COL15A1: variants seen among roughly 807,000 people sequenced by gnomAD.
COL15A1 encodes collagen type XV alpha 1 chain, also known as collagen alpha-1(XV) chain.
COL15A1 carries 111 observed loss-of-function variants against 165.9 expected under a neutral mutation model. That is an observed-to-expected ratio of 0.67 (90% confidence interval 0.57 to 0.78). The LOEUF is 0.78. Ranked by LOEUF, COL15A1 falls within the 30% of genes least tolerant of loss-of-function variation. The pLI is 0.00. For missense variants in COL15A1, 1,745 were observed against 1,789.7 expected (o/e 0.98, Z 0.45); for synonymous variants, 659 against 674.8 (o/e 0.98, Z 0.36).
At chr9:99,044,468 T>TCTCCGGAGGAAAA in intron 24 of COL15A1, 100 bp from the exon 25 acceptor site, 1 of 1,037,490 alleles carries the variant, frequency 9.6e-7, no homozygotes, top group Non-Finnish European at 1.5e-6. Flanking sequence ...GACTCAGAGG[T>TCTCCGGAGGAAAA]CTCTGTACAA....
intron 2 of COL15A1, among the ~76,000 whole-genome samples, chr9:98,953,734 G>A (rs1238755093): frequency 1.3e-5 from 2 of 152,184 alleles, no homozygotes; most frequent in African/African-American, 4.8e-5. Context: ...GCTGGAGTCT[G>A]GCTTGCAGGC....
chr9:99,050,104 C>T (rs537465855), intron 30 of COL15A1, among the ~76,000 whole-genome samples: 3 of 152,304 alleles, frequency 2.0e-5, no homozygotes, highest in Non-Finnish European at 4.4e-5. Flanking sequence ...GGTGCACACA[C>T]GGTGAGGTGC....
intron 2 of COL15A1, among the ~76,000 whole-genome samples, chr9:98,953,110 A>T (rs1837717411): frequency 6.6e-6 from 1 of 152,230 alleles, no homozygotes; most frequent in Admixed American, 6.5e-5. Context: ...AGGCAATCTT[A>T]CAATAAGACT....
At chr9:99,042,338 C>A (rs576452105) in intron 24 of COL15A1, among the ~76,000 whole-genome samples, 4 of 152,278 alleles carry the variant, frequency 2.6e-5, no homozygotes, top group African/African-American at 9.6e-5. Context: ...CAGAAAGAAA[C>A]CCCATACTTA....
At chr9:99,059,776 T>G in intron 35 of COL15A1, 113 bp from the exon 36 acceptor site, 1 of 1,181,028 alleles carries the variant, frequency 8.5e-7, no homozygotes. Flanking sequence ...GTTGGGATGC[T>G]TTGTGGCGCT....
chr9:98,999,683 T>TA lies in COL15A1; in HGVS notation c.953-1155dup, dbSNP rs201411193. On this transcript the variant is annotated intron_variant, in intron 6 of 41. Transcript: ENST00000375001. ...ACAGCCACATGCCACAATGCCTGGC[T>TA]ATTTTTTTTTATTTTTAGTAGAGAT... is the stretch of plus-strand genomic sequence containing the variant. Among the ~76,000 whole-genome samples, 1,246 of 151,474 alleles carry TA rather than the reference T, an allele frequency of 8.2e-3. 16 individuals are homozygous for TA. The highest frequency in any genetic ancestry group is 0.029 in the African/African-American group (1,183 of 41,260).
intron 16 of COL15A1, among the ~76,000 whole-genome samples, chr9:99,027,349 G>A (rs746599328): frequency 3.3e-5 from 5 of 152,166 alleles, no homozygotes; most frequent in Non-Finnish European, 1.5e-5. Flanking sequence ...TCTAGTTTCC[G>A]TCAGCTCTGG....
At position 99,034,586 on chromosome 9, in the gene COL15A1, TAAAAAAA is replaced by T. The variant is rs60290557; in HGVS notation, c.2079+24_2079+30del. On this transcript the variant is annotated splice_donor_5th_base_variant and intron_variant, in intron 17 of 41. Transcript: ENST00000375001. ...CCTAATGGCTCAGTTGGTGAAAAGGTAAAAAAAAAAAAAAAAAAAAAAAAAAAAGAAC... is the reference window on the plus strand; with the variant it reads ...CCTAATGGCTCAGTTGGTGAAAAGGTAAAAAAAAAAAAAAAAAAAAAGAAC... 1.1e-3 allele frequency: 1,149 copies of T among 1,073,330 alleles called. No individual in the cohort carries two copies. Among genetic ancestry groups the T allele is most frequent in the East Asian group, 5.5e-3 (134 of 24,514 alleles). 66.5% of individuals were successfully genotyped at this position (1,073,330 alleles called of 1,614,324 possible). A position where few individuals can be genotyped will look rare whatever the true frequency, so the allele number is the denominator to read the frequency against.
At chr9:98,987,493 A>G in intron 4 of COL15A1, 125 bp downstream of exon 4, 2 of 839,158 alleles carry the variant, frequency 2.4e-6, no homozygotes, top group South Asian at 3.6e-5. Context: ...TGCTGCCTCA[A>G]GTCCTATTTT....
intron 2 of COL15A1, among the ~76,000 whole-genome samples, chr9:98,973,851 G>A (rs1467396144): frequency 1.3e-5 from 2 of 152,234 alleles, no homozygotes; most frequent in East Asian, 1.9e-4. Context: ...ACACTGGCGG[G>A]AGACAAGGAG....
At chr9:98,975,787 T>C (rs1347292520) in intron 2 of COL15A1, among the ~76,000 whole-genome samples, 1 of 152,208 alleles carries the variant, frequency 6.6e-6, no homozygotes, top group Non-Finnish European at 1.5e-5. Context: ...CTTCACAGCA[T>C]CCCCTTGGCT....
Position 99,015,424 on chromosome 9 carries a change from G to C in COL15A1, c.1361G>C (p.Ser454Thr), listed in dbSNP as rs1033458521. The C allele has an allele frequency of 2.5e-6, 4 of 1,607,930 alleles. No homozygotes were observed. The African/African-American group carries it at 4.0e-5, about 16-fold the overall frequency. The change falls in exon 10 of 42, where the codon AGC (serine) becomes ACC (threonine). Residue 454 changes from serine to threonine, a missense_variant. Transcript: ENST00000375001. ...SLGEEATVGP[S>T]SEDSLTTAAA... is the part of the protein sequence containing the mutation. Reference sequence around the variant, plus strand: ...ATGCCAATTTCATTTCAGGGTCCAAGCAGTGAAGACAGTTTAACAACAGCT... The same window carrying C: ...ATGCCAATTTCATTTCAGGGTCCAACCAGTGAAGACAGTTTAACAACAGCT...
chr9:98,985,694 G>A lies in COL15A1; in HGVS notation c.230G>A (p.Arg77His), dbSNP rs139245903. Residue 77 changes from arginine to histidine, a missense_variant, in exon 3 of 42, where the codon CGC (arginine) becomes CAC (histidine). Coordinates refer to ENST00000375001, the MANE Select transcript of COL15A1 (RefSeq NM_001855.5). The part of the protein sequence containing the change: ...YSFGPGANVG[R>H]PARTLIPSTF... ...TTCGGGCCTGGTGCCAATGTTGGCC[G>A]CCCAGCCAGGACTCTCATCCCATCC... is the stretch of plus-strand genomic sequence containing the variant. 58 of 1,614,196 alleles carry A rather than the reference G, an allele frequency of 3.6e-5. No individual in the cohort carries two copies. The highest frequency in any genetic ancestry group is 9.3e-5 in the African/African-American group (7 of 75,062).
intron 5 of COL15A1, among the ~76,000 whole-genome samples, chr9:98,996,309 T>C (rs531779748): frequency 6.6e-6 from 1 of 152,324 alleles, no homozygotes; most frequent in African/African-American, 2.4e-5. Flanking sequence ...GAGCTGCTGC[T>C]TGGGTCCAGG....
At chr9:98,997,190 A>C in intron 6 of COL15A1, 109 bp downstream of exon 6, 1 of 1,371,460 alleles carries the variant, frequency 7.3e-7, no homozygotes. Context: ...CCTTCCCCTC[A>C]ACCCTTTAAG....
At position 98,958,032 on chromosome 9, in the gene COL15A1, A is replaced by G. The variant is rs77256489; in HGVS notation, c.100+13782A>G. Among the ~76,000 whole-genome samples the G allele has an allele frequency of 4.9e-3, 753 of 152,312 alleles. 3 individuals are homozygous for G. The highest frequency in any genetic ancestry group is 8.4e-3 in the Non-Finnish European group (571 of 68,020). On this transcript the variant is annotated intron_variant, in intron 2 of 41. Transcript: ENST00000375001. ...GCAATGCCTTTTGAAGTAATAACCC[A>G]GTGGAACCCTGTTACGTTCAGGTCG...
At chr9:98,968,339 C>G (rs959230666) in intron 2 of COL15A1, among the ~76,000 whole-genome samples, 2 of 152,174 alleles carry the variant, frequency 1.3e-5, no homozygotes, top group Admixed American at 6.5e-5. Flanking sequence ...GTAACTTATC[C>G]TTGTCCAGTT....
At chr9:98,992,694 C>T in intron 5 of COL15A1, among the ~76,000 whole-genome samples, 1 of 152,238 alleles carries the variant, frequency 6.6e-6, no homozygotes. Context: ...TTGTTTCTTG[C>T]CACCCTGCAA....
intron 39 of COL15A1, among the ~76,000 whole-genome samples, chr9:99,063,747 C>T (rs1564096361): frequency 1.3e-5 from 2 of 152,148 alleles, no homozygotes; most frequent in Admixed American, 6.5e-5. Context: ...GAACTAGAAT[C>T]ACAGCAGTGA....
Sources: allele counts gnomAD v4.1 joint callset (sites outside exome capture counted in the v4.1 genomes callset), GRCh38; gene constraint gnomAD v4.1.1; transcripts MANE v1.5; gene names NCBI Gene and HGNC (gene_info 2026-07-23, HGNC 2026-07-21).